The following ARK2C variants were observed in gnomAD, a reference collection of about 807,000 sequenced individuals.
The protein encoded by ARK2C is arkadia (RNF111) C-terminal like ring finger ubiquitin ligase 2C.
the ARK2C span, among the ~76,000 whole-genome samples, chr18:46,361,608 A>C: frequency 2.6e-4 from 39 of 152,160 alleles, no homozygotes; most frequent in Non-Finnish European, 2.9e-4. Context: ...ATCCTTGTTA[A>C]TGTTCTTCTC....
At chr18:46,414,945 G>C in the ARK2C span, among the ~76,000 whole-genome samples, 2 of 152,214 alleles carry the variant, frequency 1.3e-5, no homozygotes, top group Non-Finnish European at 2.9e-5. Context: ...GAGGGAGTAG[G>C]GGCTGAGCTA....
At chr18:46,400,113 C>T in the ARK2C span, among the ~76,000 whole-genome samples, 18,335 of 152,198 alleles carry the variant, frequency 0.12, 1,253 homozygotes, top group East Asian at 0.27. Context: ...CTTCATTTCT[C>T]CTGGCGGGTG....
At chr18:46,393,481 G>A in the ARK2C span, among the ~76,000 whole-genome samples, 2 of 152,328 alleles carry the variant, frequency 1.3e-5, no homozygotes, top group Middle Eastern at 3.4e-3. Context: ...GGGGCTGGGA[G>A]GCTTCCTTCT....
chr18:46,354,499 C>T, the ARK2C span, among the ~76,000 whole-genome samples: 1 of 152,224 alleles, frequency 6.6e-6, no homozygotes, highest in African/African-American at 2.4e-5. Context: ...ATGGAGTTCT[C>T]AGCTCCCTTA....
chr18:46,397,992 G>T, the ARK2C span, among the ~76,000 whole-genome samples: 2 of 148,586 alleles, frequency 1.3e-5, no homozygotes, highest in African/African-American at 5.0e-5. Context: ...GGAGGTGTGA[G>T]GGTGTGTGTG....
chr18:46,439,823 T>C, the ARK2C span, among the ~76,000 whole-genome samples: 1 of 151,848 alleles, frequency 6.6e-6, no homozygotes, highest in Non-Finnish European at 1.5e-5. Context: ...AGTTTTGTTT[T>C]TGTTTTGTTT....
the ARK2C span, among the ~76,000 whole-genome samples, chr18:46,442,313 C>A: frequency 6.6e-6 from 1 of 152,156 alleles, no homozygotes; most frequent in Non-Finnish European, 1.5e-5. Context: ...AAATTTAGAT[C>A]ATGACTTTGG....
chr18:46,411,296 G>T, the ARK2C span, among the ~76,000 whole-genome samples: 1 of 152,216 alleles, frequency 6.6e-6, no homozygotes, highest in Non-Finnish European at 1.5e-5. Flanking sequence ...TTTGCTGAAA[G>T]ATAATTATGG....
the ARK2C span, among the ~76,000 whole-genome samples, chr18:46,361,305 C>G: frequency 6.6e-6 from 1 of 152,188 alleles, no homozygotes; most frequent in South Asian, 2.1e-4. Flanking sequence ...ATCCCTGTAG[C>G]CTTGCTCTTC....
chr18:46,419,480 C>T, the ARK2C span, among the ~76,000 whole-genome samples: 6 of 152,146 alleles, frequency 3.9e-5, no homozygotes, highest in African/African-American at 1.4e-4. Flanking sequence ...GAAGTGGGTA[C>T]CCAAGTCACT....
the ARK2C span, among the ~76,000 whole-genome samples, chr18:46,429,819 C>T: frequency 6.6e-6 from 1 of 152,078 alleles, no homozygotes; most frequent in East Asian, 1.9e-4. Flanking sequence ...GTTGTCCAGG[C>T]TGGTCTTGAA....
the ARK2C span, among the ~76,000 whole-genome samples, chr18:46,454,927 G>A: frequency 1.2e-4 from 19 of 152,164 alleles, no homozygotes; most frequent in Non-Finnish European, 2.6e-4. Context: ...GTATGGGGTG[G>A]TACTTAAAGA....
the ARK2C span, among the ~76,000 whole-genome samples, chr18:46,447,201 T>C: frequency 6.6e-6 from 1 of 152,186 alleles, no homozygotes; most frequent in African/African-American, 2.4e-5. Context: ...CTCCTCCACT[T>C]TTATCTGAAC....
the ARK2C span, among the ~76,000 whole-genome samples, chr18:46,354,193 G>C: frequency 6.6e-6 from 1 of 152,260 alleles, no homozygotes; most frequent in African/African-American, 2.4e-5. Context: ...GGGCATGTAT[G>C]TTAGCAGAGA....
chr18:46,443,912 A>G, the ARK2C span, among the ~76,000 whole-genome samples: 1 of 152,206 alleles, frequency 6.6e-6, no homozygotes, highest in African/African-American at 2.4e-5. Flanking sequence ...AGAACTTTTT[A>G]AAACACTTCT....
the ARK2C span, among the ~76,000 whole-genome samples, chr18:46,391,249 G>A: frequency 6.6e-6 from 1 of 152,190 alleles, no homozygotes; most frequent in Admixed American, 6.5e-5. Context: ...TGAGGTGGGA[G>A]GCTGGGGTTC....
chr18:46,411,780 G>A, the ARK2C span, among the ~76,000 whole-genome samples: 1 of 152,236 alleles, frequency 6.6e-6, no homozygotes, highest in African/African-American at 2.4e-5. Flanking sequence ...GGGGACTCCA[G>A]CAAGCCAGAT....
At chr18:46,392,288 C>A in the ARK2C span, among the ~76,000 whole-genome samples, 1 of 152,236 alleles carries the variant, frequency 6.6e-6, no homozygotes, top group Non-Finnish European at 1.5e-5. Flanking sequence ...CCAAAGACAC[C>A]TGGATGCCCC....
the ARK2C span, among the ~76,000 whole-genome samples, chr18:46,414,192 T>C: frequency 3.3e-5 from 5 of 152,226 alleles, no homozygotes; most frequent in African/African-American, 1.2e-4. Flanking sequence ...TAAGGCCACA[T>C]AGTGAGTGAC....
Sources: gnomAD v4.1 joint callset for allele counts (sites outside exome capture counted in the v4.1 genomes callset) on GRCh38, gnomAD v4.1.1 for gene constraint, MANE v1.5 for transcripts, NCBI Gene and HGNC (gene_info 2026-07-23, HGNC 2026-07-21) for gene names.